TOGARAM2: variants seen among roughly 807,000 people sequenced by gnomAD.
TOGARAM2 encodes the protein TOG array regulator of axonemal microtubules 2.
TOGARAM2 carries 85 observed loss-of-function variants against 93.3 expected under a neutral mutation model. The ratio of observed to expected loss-of-function variants is 0.91; its 90% CI spans 0.76 to 1.09. The LOEUF (loss-of-function observed/expected upper bound fraction) is 1.09. Among genes scored for constraint, TOGARAM2 ranks in the 50% least tolerant of loss-of-function variants. The probability of loss-of-function intolerance (pLI) is 0.00; values close to 1 mark genes in which losing one functional copy is unlikely to be tolerated. For missense variants in TOGARAM2, 1,277 were observed against 1,334.5 expected (o/e 0.96, Z 0.67); for synonymous variants, 593 against 552.8 (o/e 1.07, Z -1.02).
At chr2:29,024,790 G>T (rs1665238389) in intron 13 of TOGARAM2, among the ~76,000 whole-genome samples, 1 of 152,164 alleles carries the variant, frequency 6.6e-6, no homozygotes. Context: ...GAGGCAGCCT[G>T]AGCATGGGCC....
At chr2:29,003,973 T>G (rs147272391) in intron 6 of TOGARAM2, among the ~76,000 whole-genome samples, 2 of 152,376 alleles carry the variant, frequency 1.3e-5, no homozygotes, top group Non-Finnish European at 2.9e-5. Flanking sequence ...GCCGGAGTAA[T>G]GAATAAAACA....
At chr2:29,031,889 G>T (rs749450506) in intron 14 of TOGARAM2, among the ~76,000 whole-genome samples, 2 of 152,204 alleles carry the variant, frequency 1.3e-5, no homozygotes, top group East Asian at 3.9e-4. Flanking sequence ...AAGTTTGAAT[G>T]AAATATGATT....
intron 17 of TOGARAM2, among the ~76,000 whole-genome samples, 197 bp downstream of exon 17, chr2:29,035,853 G>T (rs1351914928): frequency 6.6e-6 from 1 of 152,248 alleles, no homozygotes; most frequent in African/African-American, 2.4e-5. Flanking sequence ...AATGCTCAGA[G>T]ATGTCTCTTG....
intron 1 of TOGARAM2, among the ~76,000 whole-genome samples, chr2:28,971,697 C>T (rs1170312077): frequency 6.6e-6 from 1 of 151,884 alleles, no homozygotes; most frequent in Non-Finnish European, 1.5e-5. Context: ...TTCTGAAGGG[C>T]AGTCATGAGG....
Position 29,004,954 on chromosome 2 carries a change from ATGTGTATGTGTGTGAGTGCATG to A in TOGARAM2, c.830+1300_830+1321del, listed in dbSNP as rs1474675929. Among the ~76,000 whole-genome samples the A allele has an allele frequency of 4.2e-5, 5 of 118,164 alleles. 2 individuals are homozygous for A. Among genetic ancestry groups the A allele is most frequent in the Non-Finnish European group, 8.4e-5 (5 of 59,422 alleles). 77.5% of individuals were successfully genotyped at this position (118,164 alleles called of 152,430 possible). On this transcript the variant is annotated intron_variant, in intron 6 of 19. Coordinates refer to ENST00000379558, the MANE Select transcript of TOGARAM2 (RefSeq NM_199280.4). ...AGTGCATGTGTGTGCATGTGTGTGC[ATGTGTATGTGTGTGAGTGCATG>A]TGTGTATGTGTGTGAGTGCATGTGT... is the stretch of plus-strand genomic sequence containing the variant.
upstream of TOGARAM2, among the ~76,000 whole-genome samples, chr2:28,978,569 C>T (rs1319187738): frequency 6.6e-6 from 1 of 152,128 alleles, no homozygotes; most frequent in Non-Finnish European, 1.5e-5. Context: ...TGACCAAATC[C>T]ATCAGCATGG....
intron 19 of TOGARAM2, 58 bp from the exon 20 acceptor site, chr2:29,051,698 G>A: frequency 7.2e-7 from 1 of 1,385,912 alleles, no homozygotes; most frequent in Admixed American, 2.9e-5. Context: ...CCCAAGAGAG[G>A]GAAGTGGGAG....
chr2:28,986,491 GAGGTCATTAGATTC>G (rs1672475395), intron 1 of TOGARAM2, among the ~76,000 whole-genome samples: 1 of 152,146 alleles, frequency 6.6e-6, no homozygotes, highest in Admixed American at 6.5e-5. Flanking sequence ...CCTGTCCTGG[GAGGTCATTAGATTC>G]AGGTGTGAAC....
chr2:28,975,266 G>T (rs1201146509), intron 1 of TOGARAM2, among the ~76,000 whole-genome samples: 4 of 152,000 alleles, frequency 2.6e-5, no homozygotes, highest in East Asian at 3.9e-4. Flanking sequence ...TTGGCTCACT[G>T]CAAGCTCCAC....
At chr2:29,041,581 A>G (rs1666438311) in intron 18 of TOGARAM2, among the ~76,000 whole-genome samples, 1 of 152,102 alleles carries the variant, frequency 6.6e-6, no homozygotes, top group Non-Finnish European at 1.5e-5. Flanking sequence ...TAGCTGGAGG[A>G]TGATGTGGCC....
intron 3 of TOGARAM2, 46 bp from the exon 4 acceptor site, chr2:28,999,135 C>G (rs1673144972): frequency 1.9e-6 from 3 of 1,553,196 alleles, no homozygotes; most frequent in Non-Finnish European, 1.7e-6. Flanking sequence ...CCTGGTGCCA[C>G]CCTGGGTACT....
intron 12 of TOGARAM2, 49 bp downstream of exon 12, chr2:29,023,240 C>CAG: frequency 7.0e-7 from 1 of 1,425,288 alleles, no homozygotes; most frequent in Non-Finnish European, 9.7e-7. Flanking sequence ...ACTGCAGCTG[C>CAG]TGGATGCAGT....
At chr2:29,009,791 C>G (rs573373959) in intron 6 of TOGARAM2, among the ~76,000 whole-genome samples, 1 of 152,106 alleles carries the variant, frequency 6.6e-6, no homozygotes, top group African/African-American at 2.4e-5. Context: ...CCACCCACCT[C>G]CTTGGGGCCT....
intron 1 of TOGARAM2, among the ~76,000 whole-genome samples, chr2:28,974,127 C>CCTT (rs71403637): frequency 7.9e-6 from 1 of 127,224 alleles, no homozygotes; most frequent in Non-Finnish European, 1.6e-5. Flanking sequence ...ATAATATATC[C>CCTT]TTTTTTTTTT....
At chr2:29,031,259 TC>T (rs1665752739) in intron 14 of TOGARAM2, among the ~76,000 whole-genome samples, 1 of 152,198 alleles carries the variant, frequency 6.6e-6, no homozygotes, top group African/African-American at 2.4e-5. Context: ...AGCCTTGAAC[TC>T]CTGGGCTCAT....
chr2:29,005,471 GTGTGTGC>G, intron 6 of TOGARAM2, among the ~76,000 whole-genome samples: 1 of 77,344 alleles, frequency 1.3e-5, no homozygotes, highest in African/African-American at 3.6e-5. Context: ...GTGACTGCAT[GTGTGTGC>G]ATGTGTGCAT....
At chr2:28,974,919 C>CTGTG (rs1240748067) in intron 1 of TOGARAM2, among the ~76,000 whole-genome samples, 4 of 152,094 alleles carry the variant, frequency 2.6e-5, no homozygotes, top group African/African-American at 9.7e-5. Flanking sequence ...CCATGAGCCA[C>CTGTG]TGTGCCCGGC....
intron 14 of TOGARAM2, among the ~76,000 whole-genome samples, chr2:29,030,127 T>G (rs1665676167): frequency 6.6e-6 from 1 of 151,962 alleles, no homozygotes; most frequent in Non-Finnish European, 1.5e-5. Context: ...TACCAAAATA[T>G]TAGCCGGGCA....
chr2:28,966,393 G>A (rs554438585), intron 1 of TOGARAM2, among the ~76,000 whole-genome samples: 3 of 152,152 alleles, frequency 2.0e-5, no homozygotes, highest in African/African-American at 4.8e-5. Context: ...CACCTCCGGC[G>A]TTCAAGCGAT....
Sources: gnomAD v4.1 joint callset for allele counts (sites outside exome capture counted in the v4.1 genomes callset) on GRCh38, gnomAD v4.1.1 for gene constraint, MANE v1.5 for transcripts, NCBI Gene and HGNC (gene_info 2026-07-23, HGNC 2026-07-21) for gene names.